Variants in PHLDB2 observed in about 807,000 individuals in gnomAD.
The protein encoded by PHLDB2 is pleckstrin homology-like domain family B member 2.
PHLDB2 carries 71 observed loss-of-function variants against 123.6 expected under a neutral mutation model. The observed-to-expected ratio is 0.57, with a 90% CI of 0.47 to 0.70. The LOEUF is 0.70. Among genes scored for constraint, PHLDB2 ranks in the 30% least tolerant of loss-of-function variants. The pLI, the probability that PHLDB2 is intolerant of heterozygous loss-of-function variation, is 0.00. For missense variants in PHLDB2, 1,446 were observed against 1,519.5 expected, an observed-to-expected ratio of 0.95 and a Z score of 0.80; for synonymous variants, 547 against 541.6, an observed-to-expected ratio of 1.01 and a Z score of -0.14.
At position 111,884,187 on chromosome 3, in the gene PHLDB2, GC is replaced by G. The variant is rs756455644; in HGVS notation, c.112del (p.Leu38SerfsTer10). 6.2e-7 allele frequency: 1 copy of G among 1,614,162 alleles called. No individual in the cohort carries two copies. The highest frequency in any genetic ancestry group is 1.7e-5 in the Admixed American group (1 of 60,022). Reference sequence around the variant, plus strand: ...AACGATTCCCAAAACATGATGGAGAGCCTCAGCCCAAAGAAATACTCTTCCA... The same window carrying G: ...AACGATTCCCAAAACATGATGGAGAGCTCAGCCCAAAGAAATACTCTTCCA... ...VENDSQNMME[S>X]LSPKKYSSSL... On this transcript the variant is annotated frameshift_variant, in exon 2 of 18. Transcript: ENST00000431670. LOFTEE classifies it high-confidence loss of function.
intron 1 of PHLDB2, among the ~76,000 whole-genome samples, chr3:111,815,870 G>A (rs957116451): frequency 6.6e-6 from 1 of 152,174 alleles, no homozygotes; most frequent in African/African-American, 2.4e-5. Context: ...TGGAGGCCTA[G>A]GAGGAAAAAG....
chr3:111,973,791 TATG>T lies in PHLDB2; in HGVS notation c.3598_3600del (p.Asp1200del). The T allele has an allele frequency of 6.9e-6, 11 of 1,597,478 alleles. No individual in the cohort carries two copies. The highest frequency in any genetic ancestry group is 9.4e-6 in the Non-Finnish European group (11 of 1,167,664). ...CTTTCAAGCCATTGAAGAAGTCTATTATGATCACCTCAAGAATGCTAATAAGGT... is the reference window on the plus strand; with the variant it reads ...CTTTCAAGCCATTGAAGAAGTCTATTATCACCTCAAGAATGCTAATAAGGT... On this transcript the variant is annotated inframe_deletion, in exon 17 of 18. Transcript: ENST00000431670.
chr3:111,799,058 A>G (rs945089825), intron 1 of PHLDB2, among the ~76,000 whole-genome samples: 1 of 152,216 alleles, frequency 6.6e-6, no homozygotes, highest in Non-Finnish European at 1.5e-5. Context: ...AATAAGAGCC[A>G]AGTGAAGCAG....
chr3:111,844,440 C>T (rs1383820515), intron 1 of PHLDB2, among the ~76,000 whole-genome samples: 2 of 152,136 alleles, frequency 1.3e-5, no homozygotes, highest in East Asian at 3.8e-4. Context: ...CCGTCACTTA[C>T]CCAAATCAAA....
At chr3:111,750,418 G>T (rs1419698762) in intron 1 of PHLDB2, among the ~76,000 whole-genome samples, 1 of 152,180 alleles carries the variant, frequency 6.6e-6, no homozygotes, top group Non-Finnish European at 1.5e-5. Context: ...AAGAAATTCT[G>T]CAAGTTAGTT....
chr3:111,780,415 G>GAAGAAGAAGAAGA (rs773522973), intron 1 of PHLDB2, among the ~76,000 whole-genome samples: 2 of 141,348 alleles, frequency 1.4e-5, no homozygotes, highest in African/African-American at 5.2e-5. Flanking sequence ...AGAAGAAAAA[G>GAAGAAGAAGAAGA]ATTAGTTCGG....
In PHLDB2 at chr3:111,885,262, G is replaced by A; in HGVS notation, c.1185G>A (p.Leu395=). The change falls in exon 2 of 18, where the codon TTG becomes TTA. Residue 395 remains leucine, a synonymous_variant. Coordinates refer to ENST00000431670, the MANE Select transcript of PHLDB2 (RefSeq NM_001134438.2). ...CGSVEFDEAD[L]ESLRQASGTP... ...CTGTGGAATTTGATGAGGCAGATTT[G>A]GAAAGCCTCAGACAGGCCTCAGGAA... 6.2e-7 allele frequency: 1 copy of A among 1,614,160 alleles called. No homozygotes were observed. Among genetic ancestry groups the A allele is most frequent in the African/African-American group, 1.3e-5 (1 of 75,038 alleles).
At chr3:111,739,603 A>AAACAAAAC (rs1287440026) in intron 1 of PHLDB2, among the ~76,000 whole-genome samples, 3 of 145,404 alleles carry the variant, frequency 2.1e-5, no homozygotes, top group South Asian at 2.2e-4. Context: ...CAAACAAAAA[A>AAACAAAAC]AAAAAACAAT....
chr3:111,900,720 A>G (rs952146356), intron 2 of PHLDB2, among the ~76,000 whole-genome samples: 2 of 152,210 alleles, frequency 1.3e-5, no homozygotes, highest in Non-Finnish European at 2.9e-5. Flanking sequence ...GTGAGCACAT[A>G]CTATTGGAAA....
intron 1 of PHLDB2, among the ~76,000 whole-genome samples, chr3:111,790,690 A>G (rs1467175507): frequency 6.6e-6 from 1 of 152,236 alleles, no homozygotes; most frequent in East Asian, 1.9e-4. Context: ...CTCTGGACGT[A>G]AAATGACATA....
At chr3:111,832,342 T>C (rs1337796590) in intron 1 of PHLDB2, among the ~76,000 whole-genome samples, 1 of 145,364 alleles carries the variant, frequency 6.9e-6, no homozygotes, top group Non-Finnish European at 1.5e-5. Flanking sequence ...TTTAATGGTA[T>C]GAAATTTGCA....
At chr3:111,814,943 G>A (rs2108359332) in intron 1 of PHLDB2, among the ~76,000 whole-genome samples, 1 of 152,300 alleles carries the variant, frequency 6.6e-6, no homozygotes, top group East Asian at 1.9e-4. Context: ...AGTGTGGGAG[G>A]AACCTGGTGG....
intron 1 of PHLDB2, among the ~76,000 whole-genome samples, chr3:111,737,528 A>G (rs1305682528): frequency 1.3e-5 from 2 of 152,138 alleles, no homozygotes; most frequent in Non-Finnish European, 2.9e-5. Context: ...AAGGAACTGA[A>G]GGTCACAAAA....
chr3:111,839,252 A>C (rs936049712), intron 1 of PHLDB2, among the ~76,000 whole-genome samples: 4 of 152,218 alleles, frequency 2.6e-5, no homozygotes, highest in Non-Finnish European at 4.4e-5. Flanking sequence ...ACATGTTCCT[A>C]GATTGCATTC....
rs142914917 is a variant in PHLDB2 at position 111,745,879 on chromosome 3, G to T, written c.-49+13176G>T. On this transcript the variant is annotated intron_variant, in intron 1 of 17. Coordinates refer to the PHLDB2 transcript ENST00000393923. ...CCCAGGCCACTTGGCTAGTACTTGG[G>T]GTGTGCACACAGCCAGTGTAGCTCT... Among the ~76,000 whole-genome samples, 377 of 152,214 alleles carry T rather than the reference G, an allele frequency of 2.5e-3. 1 individual carries two copies. The highest frequency in any genetic ancestry group is 4.5e-3 in the Non-Finnish European group (303 of 67,996).
At chr3:111,740,170 C>T (rs937086885) in intron 1 of PHLDB2, among the ~76,000 whole-genome samples, 2 of 152,096 alleles carry the variant, frequency 1.3e-5, no homozygotes, top group Admixed American at 6.6e-5. Flanking sequence ...CACGGGTTTA[C>T]CTTATCACCC....
At chr3:111,802,377 C>G (rs2061411051) in intron 1 of PHLDB2, among the ~76,000 whole-genome samples, 1 of 152,242 alleles carries the variant, frequency 6.6e-6, no homozygotes, top group Admixed American at 6.5e-5. Flanking sequence ...TCCTCATTTT[C>G]TCTGTGTTGT....
intron 1 of PHLDB2, among the ~76,000 whole-genome samples, chr3:111,784,373 G>C (rs2060600640): frequency 6.6e-6 from 1 of 152,174 alleles, no homozygotes; most frequent in Non-Finnish European, 1.5e-5. Context: ...TTCCTTTGAA[G>C]TGAGGCATGA....
At chr3:111,937,017 A>G (rs1006815103) in intron 6 of PHLDB2, among the ~76,000 whole-genome samples, 1 of 152,234 alleles carries the variant, frequency 6.6e-6, no homozygotes, top group Non-Finnish European at 1.5e-5. Context: ...ATTAACTTGA[A>G]ATGTCAACCA....
Sources: allele counts gnomAD v4.1 joint callset (sites outside exome capture counted in the v4.1 genomes callset), GRCh38; gene constraint gnomAD v4.1.1; transcripts MANE v1.5; gene names NCBI Gene and HGNC (gene_info 2026-07-23, HGNC 2026-07-21).